CACUL1: variants seen among roughly 807,000 people sequenced by gnomAD.
The protein encoded by CACUL1 is CDK2-associated and cullin domain-containing protein 1.
CACUL1 carries 13 observed loss-of-function variants against 45.2 expected under a neutral mutation model. That is an observed-to-expected ratio of 0.29 (90% CI 0.19 to 0.46). The LOEUF (loss-of-function observed/expected upper bound fraction) is 0.46, where lower values mean the gene tolerates loss of function less well. Ranked by LOEUF, CACUL1 falls within the 20% of genes least tolerant of loss-of-function variation. The probability of loss-of-function intolerance (pLI) is 1.00; values close to 1 mark genes in which losing one functional copy is unlikely to be tolerated. For synonymous variants in CACUL1, 197 were observed against 174.2 expected, an observed-to-expected ratio of 1.13 and a Z score of -1.03; for missense variants, 421 against 471.4, an observed-to-expected ratio of 0.89 and a Z score of 0.99.
At chr10:118,728,374 C>T (rs1845670667) in intron 3 of CACUL1, among the ~76,000 whole-genome samples, 1 of 148,760 alleles carries the variant, frequency 6.7e-6, no homozygotes, top group Non-Finnish European at 1.5e-5. Context: ...AGTGCAGCGA[C>T]GCAATCTCGG....
intron 6 of CACUL1, chr10:118,693,721 T>G: frequency 2.2e-6 from 1 of 456,960 alleles, no homozygotes; most frequent in Non-Finnish European, 4.4e-6. Flanking sequence ...GGAGCCATCT[T>G]CATCACACTG....
intron 3 of CACUL1, among the ~76,000 whole-genome samples, chr10:118,721,087 T>G (rs1441394171): frequency 6.6e-6 from 1 of 152,198 alleles, no homozygotes; most frequent in Non-Finnish European, 1.5e-5. Context: ...AACAGAGTAT[T>G]TGGAGGAAAG....
At chr10:118,688,327 G>T (rs1845228388) in intron 7 of CACUL1, among the ~76,000 whole-genome samples, 1 of 152,204 alleles carries the variant, frequency 6.6e-6, no homozygotes, top group South Asian at 2.1e-4. Context: ...ATTCACACTA[G>T]TATCATCACA....
chr10:118,716,375 T>C (rs1845545764), intron 3 of CACUL1, among the ~76,000 whole-genome samples: 1 of 152,184 alleles, frequency 6.6e-6, no homozygotes, highest in East Asian at 1.9e-4. Flanking sequence ...AACCTGATTT[T>C]ATCGCCCAAC....
rs1184412871 is a variant in CACUL1, at chr10:118,685,972, A to AAATTACAAACCAAGTAAG, written c.*138_*155dup. 13 of 460,740 alleles carry AAATTACAAACCAAGTAAG rather than the reference A, an allele frequency of 2.8e-5. No homozygotes were observed. The highest frequency in any genetic ancestry group is 4.3e-5 in the Non-Finnish European group (11 of 256,932). 28.5% of individuals were successfully genotyped at this position (460,740 alleles called of 1,614,324 possible). ...TTTTTTTTTTTTAGTTTTTGTTTTA[A>AAATTACAAACCAAGTAAG]AATTACAAACCAAGTAAGAAGTCCA... is the stretch of plus-strand genomic sequence containing the variant. On this transcript the variant is annotated 3_prime_UTR_variant, in exon 9 of 9. Coordinates refer to ENST00000369151, the MANE Select transcript of CACUL1 (RefSeq NM_153810.5).
At chr10:118,692,844 C>G (rs1267379784) in intron 6 of CACUL1, 1 of 152,148 alleles carries the variant, frequency 6.6e-6, no homozygotes, top group Non-Finnish European at 1.5e-5. Flanking sequence ...AGGAGAATAG[C>G]TAATTAAAGC....
intron 1 of CACUL1, among the ~76,000 whole-genome samples, chr10:118,744,407 C>CAA (rs11447464): frequency 4.6e-5 from 7 of 151,380 alleles, no homozygotes. Flanking sequence ...CAAAAACAAA[C>CAA]AAAAAAAACA....
At chr10:118,751,289 T>C (rs963902311) in intron 1 of CACUL1, among the ~76,000 whole-genome samples, 5 of 152,226 alleles carry the variant, frequency 3.3e-5, no homozygotes, top group Admixed American at 2.6e-4. Context: ...TTATAAACTT[T>C]TGAAGCTTTA....
rs769933300 is a variant in CACUL1 at position 118,754,735 on chromosome 10, C to G, written c.28G>C (p.Gly10Arg). Residue 10 changes from glycine (G) to arginine (R), a missense_variant, in exon 1 of 9, where the codon GGG becomes CGG. Gly to Arg is a moderately radical substitution (Grantham distance 125, BLOSUM62 -2). Coordinates refer to ENST00000369151, the MANE Select transcript of CACUL1 (RefSeq NM_153810.5). ...TCCATCATCGCCTCGTAGCTGCCCC[C>G]CTCCTCCTCTTCCATGCTTTCCTCC... MEESMEEEE[G>R]GSYEAMMDDQ... 13 of 1,600,274 alleles carry G rather than the reference C, an allele frequency of 8.1e-6. No homozygotes were observed.
At chr10:118,737,279 A>T (rs1207211038) in intron 1 of CACUL1, among the ~76,000 whole-genome samples, 4 of 152,178 alleles carry the variant, frequency 2.6e-5, no homozygotes, top group African/African-American at 7.2e-5. Context: ...TCTAAATTTT[A>T]GGGTTTATGG....
rs1315727169 is a variant in CACUL1, at chr10:118,682,771, T to C, written c.*3357A>G. 6.5e-6 allele frequency: 1 copy of C among 152,676 alleles called. No individual in the cohort carries two copies. Among genetic ancestry groups the C allele is most frequent in the East Asian group, 1.9e-4 (1 of 5,202 alleles). 9.5% of individuals were successfully genotyped at this position (152,676 alleles called of 1,614,324 possible). ...AGCTGCACAGTGTGAGCACTGGAGA[T>C]GGATGTGCAGTGTGCAGTGTTCACA... On this transcript the variant is annotated 3_prime_UTR_variant, in exon 9 of 9. Coordinates refer to ENST00000369151, the MANE Select transcript of CACUL1 (RefSeq NM_153810.5).
chr10:118,752,929 A>G (rs1237317329), intron 1 of CACUL1, among the ~76,000 whole-genome samples: 3 of 151,728 alleles, frequency 2.0e-5, no homozygotes, highest in Non-Finnish European at 4.4e-5. Flanking sequence ...TTTTTCATTT[A>G]TTTGCATCTT....
intron 5 of CACUL1, among the ~76,000 whole-genome samples, chr10:118,696,006 G>C (rs12412619): frequency 0.088 from 13,351 of 152,188 alleles, 639 homozygotes; most frequent in Admixed American, 0.14. Flanking sequence ...CCTCAGCCAG[G>C]CTTGTAACAT....
intron 5 of CACUL1, among the ~76,000 whole-genome samples, chr10:118,696,752 G>T (rs1035814058): frequency 1.3e-5 from 2 of 152,266 alleles, no homozygotes; most frequent in African/African-American, 4.8e-5. Flanking sequence ...CAAATGCTAA[G>T]CATTTCAGAA....
intron 1 of CACUL1, among the ~76,000 whole-genome samples, chr10:118,748,093 A>G (rs1050187475): frequency 3.3e-5 from 5 of 152,160 alleles, no homozygotes; most frequent in Non-Finnish European, 5.9e-5. Flanking sequence ...TCCAAAAAAA[A>G]AGAGAGAGAC....
intron 5 of CACUL1, 79 bp downstream of exon 5, chr10:118,701,227 A>G (rs1564830424): frequency 3.9e-6 from 3 of 760,062 alleles, no homozygotes; most frequent in Non-Finnish European, 6.3e-6. Context: ...TTACGTGACA[A>G]TGCTCTCAGA....
chr10:118,739,532 C>T (rs1845772524), intron 1 of CACUL1, among the ~76,000 whole-genome samples: 1 of 152,098 alleles, frequency 6.6e-6, no homozygotes, highest in Non-Finnish European at 1.5e-5. Flanking sequence ...GAATTCTATA[C>T]CCAAACTATC....
At chr10:118,688,584 CA>C (rs1438697536) in intron 7 of CACUL1, among the ~76,000 whole-genome samples, 1 of 152,128 alleles carries the variant, frequency 6.6e-6, no homozygotes, top group East Asian at 1.9e-4. Context: ...AACGCTCTCT[CA>C]AAACCCTTAC....
At chr10:118,698,851 A>G (rs560626654) in intron 5 of CACUL1, among the ~76,000 whole-genome samples, 1 of 152,378 alleles carries the variant, frequency 6.6e-6, no homozygotes, top group South Asian at 2.1e-4. Context: ...TTCCAGATCT[A>G]TCTGAAGCCA....
Sources: gnomAD v4.1 joint callset for allele counts (sites outside exome capture counted in the v4.1 genomes callset) on GRCh38, gnomAD v4.1.1 for gene constraint, MANE v1.5 for transcripts, NCBI Gene and HGNC (gene_info 2026-07-23, HGNC 2026-07-21) for gene names.